Variants in SRRM4 observed in about 807,000 individuals in gnomAD.
The protein encoded by SRRM4 is serine/arginine repetitive matrix protein 4.
Under a neutral mutation model 68.9 loss-of-function variants are expected in SRRM4, and 33 were observed. The ratio of observed to expected loss-of-function variants is 0.48; its 90% CI spans 0.36 to 0.64. SRRM4 has a LOEUF of 0.64. SRRM4 is among the 30% of genes least tolerant of loss of function. SRRM4 has a pLI of 0.00. For missense variants in SRRM4, 817 were observed against 827.1 expected (o/e 0.99, Z 0.15); for synonymous variants, 318 against 318.8 (o/e 1.00, Z 0.03).
chr12:119,054,071 T>TA (rs1454728202), intron 1 of SRRM4, among the ~76,000 whole-genome samples: 1 of 152,216 alleles, frequency 6.6e-6, no homozygotes, highest in Non-Finnish European at 1.5e-5. Context: ...ACCATCCTTC[T>TA]ACTCTCTATG....
At chr12:119,066,328 G>GA (rs1211289837) in intron 1 of SRRM4, among the ~76,000 whole-genome samples, 74 of 152,280 alleles carry the variant, frequency 4.9e-4, no homozygotes, top group Middle Eastern at 6.8e-3. Context: ...TAGATGGAAA[G>GA]AAAAAACCTC....
intron 1 of SRRM4, among the ~76,000 whole-genome samples, chr12:119,063,620 T>C (rs73211856): frequency 0.1 from 15,221 of 152,190 alleles, 1,011 homozygotes; most frequent in Non-Finnish European, 0.14. Context: ...GTAAATGCAA[T>C]CCTATTTTGT....
chr12:119,127,466 G>A (rs370932584), intron 7 of SRRM4, among the ~76,000 whole-genome samples: 69 of 152,174 alleles, frequency 4.5e-4, no homozygotes, highest in African/African-American at 1.6e-3. Flanking sequence ...AATGTCTCGC[G>A]CCTGTAATCC....
chr12:119,033,397 G>T lies in SRRM4; in HGVS notation c.131+51384G>T, dbSNP rs541611691. On this transcript the variant is annotated intron_variant, in intron 1 of 12. Transcript: ENST00000267260. ...AATATTTTTCTCAGCCGGGTGCGGT[G>T]GCTCACACCTGTAATCCCAGCACTT... Among the ~76,000 whole-genome samples, 4 of 152,252 alleles carry T rather than the reference G, an allele frequency of 2.6e-5. No homozygotes were observed. The East Asian group carries it at 7.7e-4, about 29-fold the overall frequency.
intron 1 of SRRM4, among the ~76,000 whole-genome samples, chr12:119,050,779 T>C (rs983513431): frequency 5.3e-5 from 8 of 152,208 alleles, no homozygotes; most frequent in African/African-American, 1.9e-4. Context: ...TATCTAGAAC[T>C]GTACTGTCCA....
chr12:119,153,432 AAG>A, intron 10 of SRRM4, 105 bp from the exon 11 acceptor site: 2 of 693,806 alleles, frequency 2.9e-6, no homozygotes, highest in South Asian at 3.7e-5. Context: ...GGCTTCCAGA[AAG>A]AAAAAGGTCA....
intron 1 of SRRM4, among the ~76,000 whole-genome samples, chr12:119,101,217 C>T (rs1436797977): frequency 4.6e-5 from 7 of 152,122 alleles, no homozygotes; most frequent in South Asian, 4.1e-4. Context: ...ATGTTCTCTG[C>T]GTGTCACCAA....
intron 1 of SRRM4, among the ~76,000 whole-genome samples, chr12:119,090,291 CA>C (rs1271578900): frequency 6.6e-6 from 1 of 152,028 alleles, no homozygotes; most frequent in Non-Finnish European, 1.5e-5. Flanking sequence ...ATGGAATTCA[CA>C]AGAAAGAAAG....
chr12:119,054,938 G>T (rs1270938250), intron 1 of SRRM4, among the ~76,000 whole-genome samples: 1 of 152,090 alleles, frequency 6.6e-6, no homozygotes, highest in Non-Finnish European at 1.5e-5. Flanking sequence ...GCTTTGATAG[G>T]TGCTCATCTC....
chr12:119,043,761 C>T (rs1953685370), intron 1 of SRRM4, among the ~76,000 whole-genome samples: 1 of 127,600 alleles, frequency 7.8e-6, no homozygotes, highest in Non-Finnish European at 1.7e-5. Context: ...CATACACATG[C>T]ACACATACAC....
intron 1 of SRRM4, among the ~76,000 whole-genome samples, chr12:119,095,200 A>G (rs1392192234): frequency 6.6e-6 from 1 of 152,242 alleles, no homozygotes; most frequent in Non-Finnish European, 1.5e-5. Context: ...AACACAGCCC[A>G]GACTGAGGTC....
At chr12:119,065,856 A>AATGGGTGG (rs369301307) in intron 1 of SRRM4, among the ~76,000 whole-genome samples, 1 of 151,776 alleles carries the variant, frequency 6.6e-6, no homozygotes, top group Non-Finnish European at 1.5e-5. Flanking sequence ...TGGATGCATA[A>AATGGGTGG]ATGGGTGGAT....
intron 1 of SRRM4, among the ~76,000 whole-genome samples, chr12:119,036,286 A>C (rs1953626686): frequency 6.6e-6 from 1 of 152,122 alleles, no homozygotes. Flanking sequence ...ATACCGCTGG[A>C]TTCCAAAATT....
intron 8 of SRRM4, among the ~76,000 whole-genome samples, chr12:119,140,985 A>G (rs1954361711): frequency 6.6e-6 from 1 of 152,088 alleles, no homozygotes; most frequent in African/African-American, 2.4e-5. Flanking sequence ...TTTTTGGCTC[A>G]GGCTGGAGTG....
chr12:119,010,688 C>G (rs1487149467), intron 1 of SRRM4, among the ~76,000 whole-genome samples: 1 of 152,254 alleles, frequency 6.6e-6, no homozygotes, highest in East Asian at 1.9e-4. Flanking sequence ...ATGACCAGCT[C>G]TTGATGTCAA....
At chr12:119,097,718 C>G (rs917685866) in intron 1 of SRRM4, among the ~76,000 whole-genome samples, 1 of 152,168 alleles carries the variant, frequency 6.6e-6, no homozygotes, top group Non-Finnish European at 1.5e-5. Context: ...ATTCCTGACC[C>G]CTGTTGCTGA....
intron 1 of SRRM4, among the ~76,000 whole-genome samples, chr12:119,100,016 A>G (rs1011532594): frequency 2.6e-5 from 4 of 152,192 alleles, no homozygotes; most frequent in African/African-American, 9.6e-5. Flanking sequence ...TTTGATGACA[A>G]GAGTGTCAAA....
At chr12:118,984,376 G>C (rs1242478726) in intron 1 of SRRM4, among the ~76,000 whole-genome samples, 1 of 152,162 alleles carries the variant, frequency 6.6e-6, no homozygotes. Flanking sequence ...TCCTCTAGAG[G>C]CAATCTGGGG....
chr12:119,030,626 A>G (rs1055984693), intron 1 of SRRM4, among the ~76,000 whole-genome samples: 3 of 152,188 alleles, frequency 2.0e-5, no homozygotes, highest in South Asian at 2.1e-4. Context: ...CTCTATGCAT[A>G]TCTGTATATC....
Sources: allele counts gnomAD v4.1 joint callset (sites outside exome capture counted in the v4.1 genomes callset), GRCh38; gene constraint gnomAD v4.1.1; transcripts MANE v1.5; gene names NCBI Gene and HGNC (gene_info 2026-07-23, HGNC 2026-07-21).